The following NBN variants were observed in gnomAD, a reference collection of about 807,000 sequenced individuals.
NBN encodes the protein Nijmegen breakage syndrome 1 (nibrin).
Under a neutral mutation model 90.8 loss-of-function variants are expected in NBN, and 88 were observed. The observed-to-expected ratio is 0.97, with a 90% confidence interval of 0.82 to 1.16. The LOEUF (loss-of-function observed/expected upper bound fraction) is 1.16. Among genes scored for constraint, NBN ranks in the 50% most tolerant of loss-of-function variants. NBN has a pLI of 0.00. For synonymous variants in NBN, 328 were observed against 295.1 expected (o/e 1.11, Z -1.14); for missense variants, 894 against 869.6 (o/e 1.03, Z -0.35).
intron 7 of NBN, among the ~76,000 whole-genome samples, chr8:89,968,710 A>T (rs1811365124): frequency 6.6e-6 from 1 of 152,136 alleles, no homozygotes; most frequent in South Asian, 2.1e-4. Context: ...TGTTTAGAAT[A>T]AGCTTCTTCC....
chr8:89,945,678 A>G (rs1810153594), intron 13 of NBN, among the ~76,000 whole-genome samples: 3 of 152,134 alleles, frequency 2.0e-5, no homozygotes, highest in African/African-American at 7.2e-5. Flanking sequence ...ATGAGCAGAA[A>G]CTCAGGTCTG....
In NBN at chr8:89,938,254, CAACTGT is replaced by C. The variant is rs1470254370; in HGVS notation, c.2185-1185_2185-1180del. ...TGTTTTTGATATTTCTTGGAAACTG[CAACTGT>C]AAGTGAGATGACATACAGCAGTTCC... On this transcript the variant is annotated intron_variant, in intron 14 of 15. Coordinates refer to ENST00000265433, the MANE Select transcript of NBN (RefSeq NM_002485.5). Among the ~76,000 whole-genome samples the C allele has an allele frequency of 1.6e-4, 25 of 152,148 alleles. 1 individual carries two copies. The highest frequency in any genetic ancestry group is 1.5e-5 in the Non-Finnish European group (1 of 68,034).
In NBN at chr8:89,970,065, A is replaced by G. The variant is rs1005421927; in HGVS notation, c.896+299T>C. On this transcript the variant is annotated intron_variant, in intron 7 of 15. Coordinates refer to ENST00000265433, the MANE Select transcript of NBN (RefSeq NM_002485.5). Reference sequence around the variant, plus strand: ...GGAGTTCAAGACCAGCCTGGCCTACATGGCAAAACCCTGTCTCTACTAAAA... The same window carrying G: ...GGAGTTCAAGACCAGCCTGGCCTACGTGGCAAAACCCTGTCTCTACTAAAA... Among the ~76,000 whole-genome samples the G allele has an allele frequency of 2.0e-5, 3 of 152,100 alleles. No homozygotes were observed. The South Asian group carries it at 6.2e-4, about 31-fold the overall frequency.
At chr8:89,939,756 C>T (rs1809855820) in intron 14 of NBN, among the ~76,000 whole-genome samples, 1 of 152,166 alleles carries the variant, frequency 6.6e-6, no homozygotes, top group Admixed American at 6.5e-5. Context: ...TGGGAAGGGA[C>T]TAATGGTGTA....
intron 7 of NBN, 95 bp downstream of exon 7, chr8:89,970,269 A>T: frequency 9.0e-7 from 1 of 1,113,304 alleles, no homozygotes; most frequent in Non-Finnish European, 1.3e-6. Flanking sequence ...AAATTCTTGT[A>T]TCTACTTTTA....
At chr8:89,951,304 T>C (rs1810436482) in intron 11 of NBN, among the ~76,000 whole-genome samples, 2 of 115,698 alleles carry the variant, frequency 1.7e-5, no homozygotes, top group African/African-American at 7.5e-5. Flanking sequence ...AGAGCAAGAC[T>C]CTGTCTCAAA....
At chr8:89,957,766 T>C (rs960828305) in intron 9 of NBN, among the ~76,000 whole-genome samples, 3 of 152,134 alleles carry the variant, frequency 2.0e-5, no homozygotes, top group Non-Finnish European at 4.4e-5. Flanking sequence ...TAACATGCCA[T>C]ATAAGTGTGT....
intron 14 of NBN, among the ~76,000 whole-genome samples, chr8:89,941,446 A>G (rs1809946224): frequency 2.0e-5 from 3 of 152,232 alleles, no homozygotes; most frequent in Non-Finnish European, 4.4e-5. Flanking sequence ...TGAAGTTAAT[A>G]TGAAGTTTAA....
chr8:89,984,479 G>T lies in NBN; in HGVS notation c.37+46C>A. On this transcript the variant is annotated intron_variant, in intron 1 of 15. Coordinates refer to ENST00000265433, the MANE Select transcript of NBN (RefSeq NM_002485.5). ...CACCCGCAGGCCCTCCCCCGAGGCA[G>T]TCGCTACCGGGAAAATAGGCCCCGA... 1.9e-6 allele frequency: 3 copies of T among 1,573,742 alleles called. No homozygotes were observed. In the South Asian group the frequency reaches 3.3e-5, roughly 17 times the overall value.
intron 5 of NBN, 115 bp from the exon 6 acceptor site, chr8:89,971,405 TA>T: frequency 3.3e-6 from 4 of 1,214,854 alleles, no homozygotes; most frequent in Non-Finnish European, 4.4e-6. Context: ...ACCTTTATAG[TA>T]TTTTTTTTAA....
In NBN at chr8:89,964,427, T is replaced by C. The variant is rs876659586; in HGVS notation, c.977A>G (p.Gln326Arg). Residue 326 changes from glutamine to arginine, a missense_variant, in exon 8 of 16, where the codon CAG becomes CGG. Transcript: ENST00000265433. ...FMTTKNYCDP[Q>R]GHPSTGLKTT... ...TCAATTACCTGTACTGGGATGGCCCTGAGGATCACAGTAATTCTTTGTAGT... is the reference window on the plus strand; with the variant it reads ...TCAATTACCTGTACTGGGATGGCCCCGAGGATCACAGTAATTCTTTGTAGT... 1 of 1,613,870 alleles carries C rather than the reference T, an allele frequency of 6.2e-7. No individual in the cohort carries two copies. Among genetic ancestry groups the C allele is most frequent in the Non-Finnish European group, 8.5e-7 (1 of 1,179,822 alleles).
chr8:89,971,999 T>TTCGACTTG (rs1393327715), intron 5 of NBN, among the ~76,000 whole-genome samples: 2 of 152,324 alleles, frequency 1.3e-5, no homozygotes, highest in South Asian at 4.1e-4. Flanking sequence ...TGACCGGCAT[T>TTCGACTTG]TCGACTTGTC....
intron 12 of NBN, 77 bp from the exon 13 acceptor site, chr8:89,946,372 T>C (rs561440223): frequency 6.9e-6 from 9 of 1,310,718 alleles, no homozygotes; most frequent in Middle Eastern, 1.9e-4. Flanking sequence ...TGGGAATCTA[T>C]AGAAAAAAGT....
At chr8:89,949,785 C>CA in intron 11 of NBN, among the ~76,000 whole-genome samples, 1 of 152,082 alleles carries the variant, frequency 6.6e-6, no homozygotes, top group East Asian at 1.9e-4. Flanking sequence ...TTTTTGCCTT[C>CA]AAAAAATCGC....
chr8:89,981,770 G>A, intron 2 of NBN: 1 of 526,766 alleles, frequency 1.9e-6, no homozygotes, highest in Non-Finnish European at 3.3e-6. Flanking sequence ...GTGTAAGTCA[G>A]TGGGGATTCT....
intron 11 of NBN, among the ~76,000 whole-genome samples, chr8:89,948,720 A>G (rs1441105521): frequency 2.0e-5 from 3 of 152,256 alleles, no homozygotes; most frequent in Non-Finnish European, 4.4e-5. Context: ...AGTAAAGAGG[A>G]TATTTTAATC....
rs202198205 is a variant in NBN at position 89,946,193 on chromosome 8, A to G, written c.2017T>C (p.Ser673Pro). ...TGACCATAATCATCATTTATGCCAG[A>G]TGGATTTCTGGAAGTAGAGTTTTTA... ...VIKNSTSRNPSGINDDYGQLK... is the reference protein window; with the variant it reads ...VIKNSTSRNPPGINDDYGQLK... Residue 673 changes from serine to proline, a missense_variant, in exon 13 of 16, where the codon TCT (serine) becomes CCT (proline). Transcript: ENST00000265433. 1 of 1,603,828 alleles carries G rather than the reference A, an allele frequency of 6.2e-7. No individual in the cohort carries two copies. Among genetic ancestry groups the G allele is most frequent in the Non-Finnish European group, 8.5e-7 (1 of 1,171,166 alleles).
chr8:89,939,989 A>G (rs1418303506), intron 14 of NBN, among the ~76,000 whole-genome samples: 2 of 152,204 alleles, frequency 1.3e-5, no homozygotes, highest in African/African-American at 2.4e-5. Context: ...AGACAACAGA[A>G]ACTAGATGGG....
chr8:89,937,063 G>A lies in NBN; in HGVS notation c.2197C>T (p.His733Tyr). 6.2e-7 allele frequency: 1 copy of A among 1,612,488 alleles called. No homozygotes were observed. Among genetic ancestry groups the A allele is most frequent in the Non-Finnish European group, 8.5e-7 (1 of 1,179,212 alleles). ...TCAGCAAGAGACTCTTCTTTTGCAT[G>A]TTGATTTTGTACCTGTCAAAATTAA... ...LRQEMEVQNQ[H>Y]AKEESLADDL... The change falls in exon 15 of 16, where the codon CAT becomes TAT. Residue 733 changes from histidine to tyrosine, a missense_variant. Coordinates refer to ENST00000265433, the MANE Select transcript of NBN (RefSeq NM_002485.5).
Sources: allele counts gnomAD v4.1 joint callset (sites outside exome capture counted in the v4.1 genomes callset), GRCh38; gene constraint gnomAD v4.1.1; transcripts MANE v1.5; gene names NCBI Gene and HGNC (gene_info 2026-07-23, HGNC 2026-07-21).